NTM: variants seen among roughly 807,000 people sequenced by gnomAD.
The protein encoded by NTM is IgLON family member 2.
A neutral mutation model predicts 42.1 loss-of-function variants in NTM; 13 were observed. The observed-to-expected ratio is 0.31, with a 90% CI of 0.20 to 0.49. The LOEUF is 0.49. NTM is among the 20% of genes least tolerant of loss of function. The pLI is 0.99. For synonymous variants in NTM, 187 were observed against 179.2 expected (o/e 1.04, Z -0.35); for missense variants, 373 against 452.8 (o/e 0.82, Z 1.60).
intron 1 of NTM, among the ~76,000 whole-genome samples, chr11:131,890,004 C>T (rs919072644): frequency 1.3e-5 from 2 of 152,148 alleles, no homozygotes; most frequent in Non-Finnish European, 1.5e-5. Context: ...AGAGACTCCT[C>T]CTTCTCAGCC....
At chr11:131,538,804 C>T (rs996863418) in intron 1 of NTM, among the ~76,000 whole-genome samples, 5 of 151,434 alleles carry the variant, frequency 3.3e-5, no homozygotes, top group African/African-American at 7.3e-5. Context: ...CTCTATTGTA[C>T]AGCATGGGGA....
At chr11:131,914,035 G>A (rs543123205) in intron 2 of NTM, among the ~76,000 whole-genome samples, 1 of 152,328 alleles carries the variant, frequency 6.6e-6, no homozygotes, top group South Asian at 2.1e-4. Context: ...ACAAGGAAGG[G>A]CTGCCCTGCT....
At chr11:131,455,067 G>A (rs1950768137) in intron 1 of NTM, among the ~76,000 whole-genome samples, 1 of 152,152 alleles carries the variant, frequency 6.6e-6, no homozygotes, top group African/African-American at 2.4e-5. Context: ...GATTTTGTGT[G>A]CGTGCTGTTC....
chr11:131,759,714 T>G (rs1178834898), intron 1 of NTM, among the ~76,000 whole-genome samples: 1 of 152,100 alleles, frequency 6.6e-6, no homozygotes, highest in African/African-American at 2.4e-5. Context: ...TGTTAGGGCT[T>G]ATTTTCATAG....
intron 1 of NTM, among the ~76,000 whole-genome samples, chr11:131,837,238 C>G (rs111381876): frequency 6.6e-6 from 1 of 152,168 alleles, no homozygotes; most frequent in Admixed American, 6.5e-5. Flanking sequence ...ACCGAATTTG[C>G]ACCTTTGTCA....
At chr11:131,675,996 C>G (rs184426931) in intron 1 of NTM, among the ~76,000 whole-genome samples, 1 of 152,258 alleles carries the variant, frequency 6.6e-6, no homozygotes, top group East Asian at 1.9e-4. Flanking sequence ...GCAAGCAAAC[C>G]CCTTGGACCA....
intron 1 of NTM, among the ~76,000 whole-genome samples, chr11:131,846,582 G>A (rs1032442408): frequency 1.3e-5 from 2 of 151,840 alleles, no homozygotes; most frequent in Non-Finnish European, 2.9e-5. Context: ...TAAAATTATT[G>A]TTTGTATTTT....
chr11:132,219,457 G>A (rs760020180), intron 4 of NTM, among the ~76,000 whole-genome samples: 2 of 152,050 alleles, frequency 1.3e-5, no homozygotes, highest in Non-Finnish European at 2.9e-5. Context: ...ATCTGATACT[G>A]TAGATGTAGT....
chr11:132,301,729 C>A (rs1045614388), intron 4 of NTM, among the ~76,000 whole-genome samples: 3 of 152,186 alleles, frequency 2.0e-5, no homozygotes, highest in Admixed American at 2.0e-4. Context: ...ACTGGAATGT[C>A]ACTGCTAGTC....
At chr11:131,973,750 G>A (rs548832301) in intron 2 of NTM, among the ~76,000 whole-genome samples, 3 of 152,336 alleles carry the variant, frequency 2.0e-5, no homozygotes, top group Admixed American at 6.5e-5. Context: ...CCGGGAGGCA[G>A]AGGTTGCAGT....
intron 1 of NTM, among the ~76,000 whole-genome samples, chr11:131,864,775 G>T (rs1338763014): frequency 6.6e-6 from 1 of 152,180 alleles, no homozygotes; most frequent in Non-Finnish European, 1.5e-5. Context: ...CTGGTGAGAG[G>T]GAGCTTGTTA....
intron 1 of NTM, among the ~76,000 whole-genome samples, chr11:131,442,379 C>T (rs978411432): frequency 7.2e-5 from 11 of 152,174 alleles, no homozygotes; most frequent in Non-Finnish European, 1.3e-4. Context: ...AGCAGCAATA[C>T]AACAGAGGGG....
At chr11:131,891,962 G>C (rs1592620394) in intron 1 of NTM, among the ~76,000 whole-genome samples, 1 of 152,158 alleles carries the variant, frequency 6.6e-6, no homozygotes, top group Non-Finnish European at 1.5e-5. Flanking sequence ...ATGAGCCACA[G>C]CCTAGGGAGT....
chr11:131,868,297 G>C (rs568128991), intron 1 of NTM, among the ~76,000 whole-genome samples: 2 of 152,092 alleles, frequency 1.3e-5, no homozygotes, highest in East Asian at 3.9e-4. Context: ...CCAGTCTTTC[G>C]TATCAAAACC....
chr11:131,972,914 A>G (rs917178867), intron 2 of NTM, among the ~76,000 whole-genome samples: 1 of 152,328 alleles, frequency 6.6e-6, no homozygotes, highest in Admixed American at 6.5e-5. Context: ...CGATGTCTAA[A>G]TCACTTTGTG....
intron 1 of NTM, among the ~76,000 whole-genome samples, chr11:131,617,195 G>A (rs755992153): frequency 5.9e-5 from 9 of 152,160 alleles, no homozygotes; most frequent in Non-Finnish European, 1.0e-4. Flanking sequence ...AACTGAGGCC[G>A]CTTGGGAATG....
chr11:131,596,884 G>A lies in NTM; in HGVS notation c.82+225996G>A, dbSNP rs1419111177. 3.9e-5 allele frequency among the ~76,000 whole-genome samples: 6 copies of A among 152,326 alleles called. No individual in the cohort carries two copies. The East Asian group carries it at 9.7e-4, about 25-fold the overall frequency. On this transcript the variant is annotated intron_variant, in intron 1 of 8. Coordinates refer to ENST00000683400, the MANE Select transcript of NTM (RefSeq NM_001352005.2). ...AGGTCCCACAATAGGCCATCTGCAG[G>A]CTGAGGAGCAAAGAGAGCCAGGCCA...
chr11:131,409,819 C>A (rs1946177514), intron 1 of NTM, among the ~76,000 whole-genome samples: 1 of 152,218 alleles, frequency 6.6e-6, no homozygotes, highest in Non-Finnish European at 1.5e-5. Flanking sequence ...AAACACACAT[C>A]TCCTTGGGCT....
intron 1 of NTM, among the ~76,000 whole-genome samples, chr11:131,859,465 C>T (rs1455140554): frequency 6.6e-6 from 1 of 152,066 alleles, no homozygotes; most frequent in Non-Finnish European, 1.5e-5. Flanking sequence ...TCGAGTAGTC[C>T]TTTGAGGGTT....
Sources: gnomAD v4.1 joint callset for allele counts (sites outside exome capture counted in the v4.1 genomes callset) on GRCh38, gnomAD v4.1.1 for gene constraint, MANE v1.5 for transcripts, NCBI Gene and HGNC (gene_info 2026-07-23, HGNC 2026-07-21) for gene names.